Variants in SAP130 observed in about 807,000 individuals in gnomAD.
SAP130 encodes histone deacetylase complex subunit SAP130.
SAP130 carries 16 observed loss-of-function variants against 103.2 expected under a neutral mutation model. The observed-to-expected ratio is 0.16, with a 90% CI of 0.10 to 0.24. The LOEUF (loss-of-function observed/expected upper bound fraction) is 0.24. Among genes scored for constraint, SAP130 ranks in the 10% least tolerant of loss-of-function variants. The pLI, the probability that SAP130 is intolerant of heterozygous loss-of-function variation, is 1.00. For missense variants in SAP130, 990 were observed against 1,359.7 expected (o/e 0.73, Z 4.28); for synonymous variants, 477 against 497.0 (o/e 0.96, Z 0.53).
chr2:127,996,545 C>A lies in SAP130; in HGVS notation c.1214-54G>T. 10 of 1,389,672 alleles carry A rather than the reference C, an allele frequency of 7.2e-6. No homozygotes were observed. In the South Asian group the frequency reaches 8.8e-5, roughly 12 times the overall value. The allele number at this position is 1,389,672 out of a possible 1,614,324, so 86.1% of individuals were successfully genotyped here. On this transcript the variant is annotated intron_variant, in intron 10 of 20. Transcript: ENST00000643581. This position sits in a 1 kb window ranked among gnomAD's most constrained non-coding sequence, Gnocchi z 4.3. ...CCATTCTACACTTTTTTTTGGCATGCCAAAACATTCTTGGCTAGCAGCAAT... is the reference window on the plus strand; with the variant it reads ...CCATTCTACACTTTTTTTTGGCATGACAAAACATTCTTGGCTAGCAGCAAT...
At chr2:128,018,486 A>T (rs1684935711) in intron 2 of SAP130, among the ~76,000 whole-genome samples, 1 of 82,296 alleles carries the variant, frequency 1.2e-5, no homozygotes, top group African/African-American at 4.8e-5. Flanking sequence ...TTGTCTCCAA[A>T]AAAAAAAAAA....
intron 14 of SAP130, among the ~76,000 whole-genome samples, chr2:127,985,342 C>T (rs1408484148): frequency 6.6e-6 from 1 of 152,154 alleles, no homozygotes. Flanking sequence ...ATATGCACAG[C>T]TCTGTGCAAA....
rs562933084 is a variant in SAP130 at position 127,956,431 on chromosome 2, G to A, written c.2064-1087C>T. On this transcript the variant is annotated intron_variant, in intron 15 of 20. Coordinates refer to ENST00000643581, the MANE Select transcript of SAP130 (RefSeq NM_001330301.2). ...GTCAGAAGAACAAGTAAAACCACCT[G>A]GGGCTTGCATTTGGCGTTGAAAGTT... is the stretch of plus-strand genomic sequence containing the variant. Among the ~76,000 whole-genome samples the A allele has an allele frequency of 7.9e-5, 12 of 152,184 alleles. No homozygotes were observed. In the South Asian group the frequency reaches 2.5e-3, roughly 32 times the overall value.
intron 7 of SAP130, among the ~76,000 whole-genome samples, chr2:128,006,674 G>C (rs1683996717): frequency 6.6e-6 from 1 of 152,178 alleles, no homozygotes; most frequent in Non-Finnish European, 1.5e-5. Context: ...CCCAGCTTTG[G>C]GAGGCTGAGG....
At chr2:127,981,937 C>G (rs1381491312) in intron 14 of SAP130, among the ~76,000 whole-genome samples, 1 of 152,168 alleles carries the variant, frequency 6.6e-6, no homozygotes. Flanking sequence ...GGTGGAGCAG[C>G]CAAGCAGCTC....
At position 127,941,445 on chromosome 2, in the gene SAP130, A is replaced by T. The variant is rs189128124; in HGVS notation, c.*561T>A. 626 of 152,600 alleles carry T rather than the reference A, an allele frequency of 4.1e-3. 3 individuals carry two copies. Among genetic ancestry groups the T allele is most frequent in the East Asian group, 0.014 (70 of 5,176 alleles). The allele number at this position is 152,600 out of a possible 1,614,324, so 9.5% of individuals were successfully genotyped here. On this transcript the variant is annotated 3_prime_UTR_variant, in exon 21 of 21. Transcript: ENST00000643581. ...ATTTCACTTGGGAATGGTTTTTTTT[A>T]AAAAATGACAAGAACTAATAGTTCA...
In SAP130 at chr2:127,942,609, CCACCTTCAAT is replaced by C; in HGVS notation, c.2902-82_2902-73del. ...CTATGTCAACCCCAGGCAAATGAAC[CCACCTTCAAT>C]CACCTTTGTAAACTGTCTAAGAGTT... On this transcript the variant is annotated intron_variant, in intron 19 of 20. Transcript: ENST00000643581. The surrounding 1 kb of genome is among the most constrained non-coding windows in gnomAD (Gnocchi z 4.8). The C allele has an allele frequency of 1.2e-6, 1 of 867,966 alleles. No individual in the cohort carries two copies. The highest frequency in any genetic ancestry group is 1.4e-5 in the South Asian group (1 of 71,214). The allele number at this position is 867,966 out of a possible 1,614,324, so 53.8% of individuals were successfully genotyped here.
intron 1 of SAP130, 139 bp from the exon 2 acceptor site, chr2:128,026,437 T>C: frequency 3.2e-6 from 2 of 617,390 alleles, no homozygotes; most frequent in Non-Finnish European, 5.8e-6. Context: ...AACAATAACT[T>C]GGGATCAATA....
Position 127,978,102 on chromosome 2 carries a change from A to G in SAP130, c.1959-13T>C. On this transcript the variant is annotated splice_polypyrimidine_tract_variant and intron_variant, in intron 14 of 20. Transcript: ENST00000643581. The stretch of plus-strand genomic sequence containing the variant: ...CCGAACTGCCATTCTGAAAGAGACA[A>G]GAGACAAACCCGGAGAACAGCAGTC... The G allele has an allele frequency of 6.5e-7, 1 of 1,546,564 alleles. No individual in the cohort carries two copies.
At chr2:127,997,339 C>G (rs182343549) in intron 10 of SAP130, among the ~76,000 whole-genome samples, 1 of 152,140 alleles carries the variant, frequency 6.6e-6, no homozygotes, top group Non-Finnish European at 1.5e-5. Flanking sequence ...TGATCTATAT[C>G]AGAAATATAG....
chr2:128,015,868 G>A (rs374672314), intron 4 of SAP130, among the ~76,000 whole-genome samples: 1 of 151,246 alleles, frequency 6.6e-6, no homozygotes, highest in African/African-American at 2.4e-5. Context: ...TCGAACACGG[G>A]ACGTGGACGT....
chr2:127,975,673 C>G (rs1335913636), intron 15 of SAP130, among the ~76,000 whole-genome samples: 1 of 152,162 alleles, frequency 6.6e-6, no homozygotes, highest in East Asian at 1.9e-4. Context: ...CTGGTTTTAG[C>G]ATTTCAGAAG....
At chr2:128,014,944 T>A in intron 4 of SAP130, 30 bp from the exon 5 acceptor site, 5 of 1,587,190 alleles carry the variant, frequency 3.2e-6, no homozygotes, top group Non-Finnish European at 3.5e-6. Context: ...ACGTTATTTT[T>A]ACATGTTTGC....
chr2:128,019,817 G>T (rs1276943261), intron 2 of SAP130, among the ~76,000 whole-genome samples: 1 of 151,998 alleles, frequency 6.6e-6, no homozygotes, highest in Non-Finnish European at 1.5e-5. Context: ...AGCCCGGGAG[G>T]TGGAGGTTGG....
At position 127,948,369 on chromosome 2, in the gene SAP130, G is replaced by C. The variant is rs1174807087; in HGVS notation, c.2797+1500C>G. Among the ~76,000 whole-genome samples, 3 of 126,606 alleles carry C rather than the reference G, an allele frequency of 2.4e-5. No homozygotes were observed. In the East Asian group the frequency reaches 6.8e-4, roughly 29 times the overall value. The allele number at this position is 126,606 out of a possible 152,430, so 83.1% of individuals were successfully genotyped here. A position where few individuals can be genotyped will look rare whatever the true frequency, so the allele number is the denominator to read the frequency against. On this transcript the variant is annotated intron_variant, in intron 18 of 20. Coordinates refer to ENST00000643581, the MANE Select transcript of SAP130 (RefSeq NM_001330301.2). ...TTTTTTTTGAGACAGAGTCTTGCTC[G>C]GTCACCCAGGATGGAGTGTGGTAGC... is the stretch of plus-strand genomic sequence containing the variant.
intron 18 of SAP130, among the ~76,000 whole-genome samples, chr2:127,949,566 C>T (rs1679350460): frequency 1.3e-5 from 2 of 152,148 alleles, no homozygotes; most frequent in Non-Finnish European, 2.9e-5. Flanking sequence ...ACTCTGGAAG[C>T]CACAGGTATC....
chr2:128,011,312 G>GA (rs1306864759), intron 6 of SAP130, among the ~76,000 whole-genome samples: 1 of 152,196 alleles, frequency 6.6e-6, no homozygotes, highest in African/African-American at 2.4e-5. Flanking sequence ...ACTTACGTGT[G>GA]AAATCTTCCT....
At chr2:127,980,067 C>T (rs907039738) in intron 14 of SAP130, among the ~76,000 whole-genome samples, 15 of 151,690 alleles carry the variant, frequency 9.9e-5, no homozygotes, top group Admixed American at 6.6e-5. Context: ...TTACTAGAGA[C>T]GGGGTTTCAC....
Position 127,988,669 on chromosome 2 carries a change from G to GCAAAA in SAP130, c.1780+890_1780+894dup, listed in dbSNP as rs548994090. Among the ~76,000 whole-genome samples the GCAAAA allele has an allele frequency of 4.5e-3, 682 of 151,988 alleles. 6 individuals are homozygous for GCAAAA. Among genetic ancestry groups the GCAAAA allele is most frequent in the African/African-American group, 0.015 (642 of 41,448 alleles). On this transcript the variant is annotated intron_variant, in intron 13 of 20. Coordinates refer to ENST00000643581, the MANE Select transcript of SAP130 (RefSeq NM_001330301.2). ...GTTTGAGACCAGCCTGGGCAACATG[G>GCAAAA]CAAAACTCTGTCTCTATTAAAAATA...
Sources: allele counts gnomAD v4.1 joint callset (sites outside exome capture counted in the v4.1 genomes callset), GRCh38; gene constraint gnomAD v4.1.1; non-coding constraint Gnocchi (gnomAD v3.1); transcripts MANE v1.5; gene names NCBI Gene and HGNC (gene_info 2026-07-23, HGNC 2026-07-21).